The following MEGF10 variants were observed in gnomAD, a reference collection of about 807,000 sequenced individuals.
MEGF10 encodes the protein multiple EGF like domains 10.
Under a neutral mutation model 147.5 loss-of-function variants are expected in MEGF10, and 86 were observed. The observed-to-expected ratio is 0.58, with a 90% confidence interval of 0.49 to 0.70. MEGF10 has a LOEUF of 0.70. Among genes scored for constraint, MEGF10 ranks in the 30% least tolerant of loss-of-function variants. The pLI is 0.00. For missense variants in MEGF10, 1,329 were observed against 1,487.3 expected (o/e 0.89, Z 1.75); for synonymous variants, 478 against 525.5 (o/e 0.91, Z 1.24).
At chr5:127,247,588 GTTGGA>G in the MEGF10 span, among the ~76,000 whole-genome samples, 1 of 152,078 alleles carries the variant, frequency 6.6e-6, no homozygotes, top group Non-Finnish European at 1.5e-5. Context: ...AGTAACTGCT[GTTGGA>G]TTTACCCTCA....
chr5:127,343,552 A>G (rs2126806144), intron 4 of MEGF10, among the ~76,000 whole-genome samples: 2 of 152,096 alleles, frequency 1.3e-5, no homozygotes, highest in Middle Eastern at 6.8e-3. Context: ...TTTGGTTCTT[A>G]TCTTCCCCTC....
intron 4 of MEGF10, among the ~76,000 whole-genome samples, chr5:127,353,966 C>T (rs1273702429): frequency 6.6e-6 from 1 of 152,130 alleles, no homozygotes; most frequent in Non-Finnish European, 1.5e-5. Context: ...ACTTTGGAAC[C>T]GTAAATAAGA....
chr5:127,374,840 AC>A (rs1281403723), intron 5 of MEGF10, among the ~76,000 whole-genome samples: 2 of 152,216 alleles, frequency 1.3e-5, no homozygotes, highest in Non-Finnish European at 2.9e-5. Flanking sequence ...CAAGGTGGTA[AC>A]TGATATCTAT....
rs955430918 is a variant in MEGF10, at chr5:127,447,675, T to C, written c.2847T>C (p.Thr949=). Residue 949 remains threonine, a synonymous_variant, in exon 21 of 25, where the codon ACT becomes ACC. Coordinates refer to ENST00000503335, the MANE Select transcript of MEGF10 (RefSeq NM_001256545.2). ...SPHVNNRDRM[T]VTKSKNNQLF... Reference sequence around the variant, plus strand: ...ACGTCAACAACAGGGACAGGATGACTGTCACGAAGGTGAGAGGAATTGGTT... The same window carrying C: ...ACGTCAACAACAGGGACAGGATGACCGTCACGAAGGTGAGAGGAATTGGTT... 6.8e-6 allele frequency: 11 copies of C among 1,613,962 alleles called. No individual in the cohort carries two copies. Among genetic ancestry groups the C allele is most frequent in the Non-Finnish European group, 7.6e-6 (9 of 1,179,974 alleles).
intron 4 of MEGF10, among the ~76,000 whole-genome samples, chr5:127,368,849 A>G (rs905389325): frequency 4.6e-5 from 7 of 152,234 alleles, no homozygotes; most frequent in African/African-American, 1.7e-4. Context: ...CTGCCATTAT[A>G]TTAAGTGGAA....
intron 4 of MEGF10, among the ~76,000 whole-genome samples, chr5:127,361,844 T>A (rs1328692942): frequency 6.6e-6 from 1 of 152,174 alleles, no homozygotes; most frequent in African/African-American, 2.4e-5. Flanking sequence ...CCAGATATCT[T>A]GCTGTTACTG....
chr5:127,383,816 A>G (rs1180141308), intron 5 of MEGF10, among the ~76,000 whole-genome samples: 2 of 152,216 alleles, frequency 1.3e-5, no homozygotes, highest in African/African-American at 4.8e-5. Context: ...AGCCTTTGTT[A>G]TAGCATTATT....
chr5:127,362,659 C>T lies in MEGF10; in HGVS notation c.320-7251C>T, dbSNP rs191188573. On this transcript the variant is annotated intron_variant, in intron 4 of 24. Coordinates refer to ENST00000503335, the MANE Select transcript of MEGF10 (RefSeq NM_001256545.2). ...GATTACAGGCGTGACCCACCGCACC[C>T]GGCCAAATATTTGCGTTTTTATCAA... Among the ~76,000 whole-genome samples, 1,436 of 152,208 alleles carry T rather than the reference C, an allele frequency of 9.4e-3. 24 individuals carry two copies. The highest frequency in any genetic ancestry group is 0.033 in the African/African-American group (1,354 of 41,510).
rs746447081 is a variant in MEGF10 at position 127,331,429 on chromosome 5, T to G, written c.116+5T>G. On this transcript the variant is annotated splice_donor_5th_base_variant and intron_variant, in intron 2 of 24. Transcript: ENST00000503335. Reference sequence around the variant, plus strand: ...TGTGTGTAGCCACTGGGAAAGGTAATGGTTTTGAAAGGAGCCTGACAAAGA... The same window carrying G: ...TGTGTGTAGCCACTGGGAAAGGTAAGGGTTTTGAAAGGAGCCTGACAAAGA... 1 of 1,568,630 alleles carries G rather than the reference T, an allele frequency of 6.4e-7. No individual in the cohort carries two copies. Among genetic ancestry groups the G allele is most frequent in the Admixed American group, 1.7e-5 (1 of 59,084 alleles).
intron 4 of MEGF10, among the ~76,000 whole-genome samples, chr5:127,347,076 C>T (rs984011718): frequency 2.0e-5 from 3 of 152,094 alleles, no homozygotes; most frequent in African/African-American, 4.8e-5. Context: ...CATGTCAGTA[C>T]TCAAAATATT....
intron 4 of MEGF10, among the ~76,000 whole-genome samples, chr5:127,368,751 C>A (rs530143460): frequency 6.6e-6 from 1 of 152,008 alleles, no homozygotes. Flanking sequence ...TGTGTGCACA[C>A]GTGTGTATAT....
At chr5:127,356,244 A>G (rs1324128104) in intron 4 of MEGF10, among the ~76,000 whole-genome samples, 1 of 152,246 alleles carries the variant, frequency 6.6e-6, no homozygotes, top group Non-Finnish European at 1.5e-5. Flanking sequence ...TCCAGTGGTA[A>G]ACCTAGTGCA....
the MEGF10 span, among the ~76,000 whole-genome samples, chr5:127,249,444 A>C: frequency 5.4e-4 from 82 of 152,150 alleles, no homozygotes; most frequent in Middle Eastern, 6.8e-3. Flanking sequence ...ATCATATTTC[A>C]TTGATTTAAG....
chr5:127,391,112 A>G (rs1174987417), intron 5 of MEGF10, among the ~76,000 whole-genome samples: 727 of 46,420 alleles, frequency 0.016, 10 homozygotes, highest in African/African-American at 0.029. Flanking sequence ...GCACACACAC[A>G]CACACACACA....
rs928118022 is a variant in MEGF10 at position 127,361,867 on chromosome 5, A to G, written c.320-8043A>G. Among the ~76,000 whole-genome samples the G allele has an allele frequency of 2.0e-5, 3 of 152,150 alleles. No individual in the cohort carries two copies. In the East Asian group the frequency reaches 5.8e-4, roughly 29 times the overall value. ...CTTGCTGTTACTGATTTCTAACTAAATTTCCTTATGGTTAGAAAACTGCTT... is the reference window on the plus strand; with the variant it reads ...CTTGCTGTTACTGATTTCTAACTAAGTTTCCTTATGGTTAGAAAACTGCTT... On this transcript the variant is annotated intron_variant, in intron 4 of 24. Transcript: ENST00000503335.
At chr5:127,316,617 T>C (rs1368282378) in intron 1 of MEGF10, among the ~76,000 whole-genome samples, 3 of 152,210 alleles carry the variant, frequency 2.0e-5, no homozygotes, top group Non-Finnish European at 4.4e-5. Context: ...TTCTGCCTTT[T>C]AAATATTAAG....
At chr5:127,251,501 C>T in the MEGF10 span, among the ~76,000 whole-genome samples, 3 of 151,956 alleles carry the variant, frequency 2.0e-5, no homozygotes, top group East Asian at 3.9e-4. Context: ...GTCAGAACTA[C>T]GTAAGTGCTT....
At chr5:127,391,126 A>G (rs1580805069) in intron 5 of MEGF10, among the ~76,000 whole-genome samples, 3 of 100,000 alleles carry the variant, frequency 3.0e-5, no homozygotes, top group Non-Finnish European at 7.5e-5. Flanking sequence ...ACACACACAC[A>G]CACACACACA....
the MEGF10 span, among the ~76,000 whole-genome samples, chr5:127,264,575 G>A: frequency 5.3e-5 from 8 of 152,096 alleles, no homozygotes; most frequent in African/African-American, 1.9e-4. Context: ...CTGTGTCTTC[G>A]TTCTGCTTTT....
Sources: allele counts gnomAD v4.1 joint callset (sites outside exome capture counted in the v4.1 genomes callset), GRCh38; gene constraint gnomAD v4.1.1; transcripts MANE v1.5; gene names NCBI Gene and HGNC (gene_info 2026-07-23, HGNC 2026-07-21).